The following FAM117B variants were observed in gnomAD, a reference collection of about 807,000 sequenced individuals.
FAM117B encodes the protein protein FAM117B.
In FAM117B, 22 loss-of-function variants were observed where a neutral mutation model predicts 52.8. The ratio of observed to expected loss-of-function variants is 0.42; its 90% CI spans 0.30 to 0.59. FAM117B has a LOEUF of 0.59. FAM117B is among the 20% of genes least tolerant of loss of function. The probability of loss-of-function intolerance (pLI) is 0.22; values close to 1 mark genes in which losing one functional copy is unlikely to be tolerated. For missense variants in FAM117B, 678 were observed against 802.6 expected (o/e 0.84, Z 1.88); for synonymous variants, 309 against 324.1 (o/e 0.95, Z 0.50).
At chr2:202,672,735 A>G (rs1690318089) in intron 1 of FAM117B, among the ~76,000 whole-genome samples, 1 of 152,160 alleles carries the variant, frequency 6.6e-6, no homozygotes, top group Non-Finnish European at 1.5e-5. Flanking sequence ...TATTGAAAGT[A>G]TAAGATCGGA....
intron 6 of FAM117B, 50 bp from the exon 7 acceptor site, chr2:202,759,183 A>G: frequency 6.2e-7 from 1 of 1,600,536 alleles, no homozygotes; most frequent in Middle Eastern, 1.7e-4. Flanking sequence ...ACAATTAAAT[A>G]TAGTATGACT....
chr2:202,717,474 A>G lies in FAM117B; in HGVS notation c.754-7443A>G, dbSNP rs374311138. On this transcript the variant is annotated intron_variant, in intron 2 of 7. Coordinates refer to ENST00000392238, the MANE Select transcript of FAM117B (RefSeq NM_173511.4). ...GTGACAGTGAGATCCTGTCTCAAAA[A>G]AACAAATCATAGGTGTTGTAATCTA... Among the ~76,000 whole-genome samples, 42 of 152,282 alleles carry G rather than the reference A, an allele frequency of 2.8e-4. 1 individual carries two copies. In the South Asian group the frequency reaches 7.3e-3, roughly 26 times the overall value.
At chr2:202,763,543 A>T (rs775978034) in intron 7 of FAM117B, among the ~76,000 whole-genome samples, 4 of 152,184 alleles carry the variant, frequency 2.6e-5, no homozygotes, top group Non-Finnish European at 4.4e-5. Flanking sequence ...TTAAGGCATT[A>T]TTTAATTATG....
At chr2:202,680,639 AAAAG>A (rs1294734303) in intron 1 of FAM117B, among the ~76,000 whole-genome samples, 3 of 152,216 alleles carry the variant, frequency 2.0e-5, no homozygotes, top group Non-Finnish European at 4.4e-5. Context: ...ACAGCCAAAA[AAAAG>A]GGCAAATTTC....
chr2:202,688,469 T>C lies in FAM117B; in HGVS notation c.602-7412T>C, dbSNP rs76751056. Among the ~76,000 whole-genome samples, 597 of 152,228 alleles carry C rather than the reference T, an allele frequency of 3.9e-3. 4 individuals carry two copies. The East Asian group carries it at 0.042, about 11-fold the overall frequency. ...ACATACTCTTTAAAATAAAATCAAC[T>C]ACAGTTATTTTTACTTGAATTTCAT... On this transcript the variant is annotated intron_variant, in intron 1 of 7. Transcript: ENST00000392238.
At chr2:202,644,691 G>A (rs548230062) in intron 1 of FAM117B, among the ~76,000 whole-genome samples, 1 of 152,308 alleles carries the variant, frequency 6.6e-6, no homozygotes, top group Admixed American at 6.5e-5. Flanking sequence ...ATACTTGCCG[G>A]TTTGACTGGG....
At chr2:202,677,757 G>A (rs546326510) in intron 1 of FAM117B, among the ~76,000 whole-genome samples, 9 of 152,254 alleles carry the variant, frequency 5.9e-5, no homozygotes, top group African/African-American at 1.9e-4. Flanking sequence ...CTCACTACTA[G>A]CACCTAGAAG....
At chr2:202,706,069 G>GTACAC (rs1484448345) in intron 2 of FAM117B, among the ~76,000 whole-genome samples, 1 of 152,106 alleles carries the variant, frequency 6.6e-6, no homozygotes, top group Non-Finnish European at 1.5e-5. Flanking sequence ...CTAGAGTGTA[G>GTACAC]TGGCTATTCA....
chr2:202,749,921 G>A (rs557802042), intron 4 of FAM117B, among the ~76,000 whole-genome samples: 2 of 152,158 alleles, frequency 1.3e-5, no homozygotes, highest in South Asian at 4.1e-4. Flanking sequence ...GAAAACTGTA[G>A]AAATAAAAAA....
intron 2 of FAM117B, among the ~76,000 whole-genome samples, chr2:202,698,732 C>T (rs1690752654): frequency 6.6e-6 from 1 of 152,136 alleles, no homozygotes. Context: ...CTAAAATTGA[C>T]TTTTTTAACC....
rs540395833 is a variant in FAM117B, at chr2:202,686,700, G to A, written c.602-9181G>A. 6.6e-5 allele frequency among the ~76,000 whole-genome samples: 10 copies of A among 152,020 alleles called. No homozygotes were observed. The South Asian group carries it at 2.1e-3, about 32-fold the overall frequency. On this transcript the variant is annotated intron_variant, in intron 1 of 7. Transcript: ENST00000392238. ...CATATGCCTGTAATCCGAGCTGCTC[G>A]TGAAGCTGAGGCAAGAGAATCTCCT...
intron 1 of FAM117B, among the ~76,000 whole-genome samples, chr2:202,669,317 T>C (rs1464117439): frequency 3.9e-5 from 6 of 152,158 alleles, no homozygotes; most frequent in Non-Finnish European, 8.8e-5. Context: ...AACATAGATA[T>C]TTTTCTGTAC....
intron 1 of FAM117B, among the ~76,000 whole-genome samples, chr2:202,646,451 G>A (rs1274698281): frequency 6.6e-6 from 1 of 152,062 alleles, no homozygotes; most frequent in East Asian, 1.9e-4. Context: ...TCTTCTCTTG[G>A]GCCAGTTTCC....
intron 1 of FAM117B, among the ~76,000 whole-genome samples, chr2:202,678,587 T>C (rs1477270335): frequency 6.6e-6 from 1 of 152,152 alleles, no homozygotes; most frequent in Non-Finnish European, 1.5e-5. Flanking sequence ...GAGACGGAGT[T>C]TCACTCTTGT....
intron 1 of FAM117B, among the ~76,000 whole-genome samples, chr2:202,675,820 A>C (rs2105767920): frequency 6.6e-6 from 1 of 152,062 alleles, no homozygotes; most frequent in African/African-American, 2.4e-5. Context: ...TCCTGTCTCT[A>C]CTAAAAATAG....
Position 202,635,431 on chromosome 2 carries a change from G to A in FAM117B, c.244G>A (p.Gly82Ser). The change falls in exon 1 of 8, where the codon GGC (glycine) becomes AGC (serine). Residue 82 changes from glycine to serine, a missense_variant. Transcript: ENST00000392238. ...CTCAGGCCCCGCAGGCGGCGGCGGC[G>A]GCGGTGGCCCGCGCACCGCCTCGCG... is the stretch of plus-strand genomic sequence containing the variant. ...GASGPAGGGG[G>S]GGPRTASRST... is the part of the protein sequence containing the mutation. 1 of 1,229,242 alleles carries A rather than the reference G, an allele frequency of 8.1e-7. No homozygotes were observed. Among genetic ancestry groups the A allele is most frequent in the East Asian group, 3.3e-5 (1 of 30,412 alleles). The allele number at this position is 1,229,242 out of a possible 1,614,324, so 76.1% of individuals were successfully genotyped here. A position where few individuals can be genotyped will look rare whatever the true frequency, so the allele number is the denominator to read the frequency against.
chr2:202,637,853 A>G (rs958896537), intron 1 of FAM117B, among the ~76,000 whole-genome samples: 7 of 150,812 alleles, frequency 4.6e-5, no homozygotes, highest in African/African-American at 1.7e-4. Context: ...CACCAAAATT[A>G]CATGTACTTA....
At chr2:202,705,046 C>T (rs1690851785) in intron 2 of FAM117B, among the ~76,000 whole-genome samples, 1 of 152,082 alleles carries the variant, frequency 6.6e-6, no homozygotes, top group Non-Finnish European at 1.5e-5. Context: ...GTGGCTGACA[C>T]CTGTAATCCC....
chr2:202,711,784 C>T (rs571230786), intron 2 of FAM117B, among the ~76,000 whole-genome samples: 9 of 152,082 alleles, frequency 5.9e-5, no homozygotes, highest in African/African-American at 1.2e-4. Context: ...TCCCCAGCAC[C>T]GTTTATTGAA....
Sources: gnomAD v4.1 joint callset for allele counts (sites outside exome capture counted in the v4.1 genomes callset) on GRCh38, gnomAD v4.1.1 for gene constraint, MANE v1.5 for transcripts, NCBI Gene and HGNC (gene_info 2026-07-23, HGNC 2026-07-21) for gene names.